FSTL5: variants seen among roughly 807,000 people sequenced by gnomAD.
FSTL5 encodes follistatin like 5, also known as follistatin-related protein 5.
In FSTL5, 62 loss-of-function variants were observed where a neutral mutation model predicts 89.1. The observed-to-expected ratio is 0.70, with a 90% confidence interval of 0.57 to 0.86. FSTL5 has a LOEUF of 0.86. Among genes scored for constraint, FSTL5 ranks in the 40% least tolerant of loss-of-function variants. The probability of loss-of-function intolerance (pLI) is 0.00; values close to 1 mark genes in which losing one functional copy is unlikely to be tolerated. For missense variants in FSTL5, 1,057 were observed against 1,001.6 expected (o/e 1.06, Z -0.75); for synonymous variants, 383 against 346.2 (o/e 1.11, Z -1.18).
intron 8 of FSTL5, among the ~76,000 whole-genome samples, chr4:161,563,809 T>G (rs761301360): frequency 3.9e-5 from 6 of 151,986 alleles, no homozygotes; most frequent in Non-Finnish European, 5.9e-5. Context: ...TTAGAATTAT[T>G]GGGAATAACA....
chr4:162,128,025 T>G (rs1732151832), intron 1 of FSTL5, among the ~76,000 whole-genome samples: 1 of 152,204 alleles, frequency 6.6e-6, no homozygotes, highest in Admixed American at 6.5e-5. Context: ...ATGCTAAAGT[T>G]AATTTGGTGG....
intron 14 of FSTL5, among the ~76,000 whole-genome samples, chr4:161,457,199 T>C (rs1268207951): frequency 6.6e-6 from 1 of 152,206 alleles, no homozygotes; most frequent in East Asian, 1.9e-4. Context: ...TCTACCTATC[T>C]AATCAAGCTT....
At chr4:161,638,300 T>C (rs1348246138) in intron 7 of FSTL5, among the ~76,000 whole-genome samples, 1 of 151,728 alleles carries the variant, frequency 6.6e-6, no homozygotes, top group Non-Finnish European at 1.5e-5. Context: ...CTTGTGATTT[T>C]TGTACATTGA....
rs139616167 is a variant in FSTL5, at chr4:161,729,439, C to T, written c.727+29972G>A. On this transcript the variant is annotated intron_variant, in intron 6 of 15. Transcript: ENST00000306100. The stretch of plus-strand genomic sequence containing the variant: ...TGATCATGTCCAGTTTTAAGCTTTA[C>T]GGGTTTTTAAACACACACTTCTGAA... Among the ~76,000 whole-genome samples, 106 of 152,198 alleles carry T rather than the reference C, an allele frequency of 7.0e-4. 3 individuals carry two copies. The East Asian group carries it at 0.017, about 24-fold the overall frequency.
At chr4:161,873,260 T>G (rs959328310) in intron 4 of FSTL5, among the ~76,000 whole-genome samples, 1 of 152,042 alleles carries the variant, frequency 6.6e-6, no homozygotes, top group Non-Finnish European at 1.5e-5. Context: ...ATAGAATAGT[T>G]GCTTGGTGCA....
At chr4:161,550,554 CTTTTTTA>C in intron 8 of FSTL5, among the ~76,000 whole-genome samples, 1 of 98,938 alleles carries the variant, frequency 1.0e-5, no homozygotes, top group African/African-American at 3.6e-5. Context: ...TCAGTAACTT[CTTTTTTA>C]TTTATTTATT....
chr4:161,541,680 A>G (rs1731822991), intron 9 of FSTL5, among the ~76,000 whole-genome samples: 3 of 152,078 alleles, frequency 2.0e-5, no homozygotes, highest in African/African-American at 7.2e-5. Flanking sequence ...TGGAATAATA[A>G]TAGAACTCTA....
At chr4:161,633,087 ACAATG>A (rs958563041) in intron 7 of FSTL5, among the ~76,000 whole-genome samples, 2,220 of 152,082 alleles carry the variant, frequency 0.015, 48 homozygotes, top group African/African-American at 0.049. Context: ...AAATGATAGC[ACAATG>A]TTTCTAAAAT....
chr4:161,919,494 T>G (rs1248624142), intron 4 of FSTL5, among the ~76,000 whole-genome samples: 1 of 152,146 alleles, frequency 6.6e-6, no homozygotes, highest in Non-Finnish European at 1.5e-5. Context: ...ATGAGTGGAG[T>G]GTAATAAAAT....
intron 4 of FSTL5, among the ~76,000 whole-genome samples, chr4:161,850,265 G>A (rs545454512): frequency 3.3e-5 from 5 of 152,240 alleles, no homozygotes; most frequent in East Asian, 3.9e-4. Flanking sequence ...AATAATAACC[G>A]TGGGTTTTTA....
intron 4 of FSTL5, among the ~76,000 whole-genome samples, chr4:161,851,438 A>G (rs988410730): frequency 2.6e-5 from 4 of 152,208 alleles, no homozygotes; most frequent in African/African-American, 9.6e-5. Flanking sequence ...ACAGGTGCAC[A>G]TAATCATACA....
intron 10 of FSTL5, among the ~76,000 whole-genome samples, chr4:161,520,782 A>G (rs994119972): frequency 1.3e-5 from 2 of 152,192 alleles, no homozygotes; most frequent in African/African-American, 2.4e-5. Flanking sequence ...CAAAACAATA[A>G]TTTCTTTCAT....
At chr4:161,637,706 T>C (rs1196209391) in intron 7 of FSTL5, among the ~76,000 whole-genome samples, 22 of 117,572 alleles carry the variant, frequency 1.9e-4, no homozygotes, top group African/African-American at 7.0e-4. Flanking sequence ...CCCAGCACCA[T>C]TTATTAAATA....
At chr4:161,675,552 T>G (rs993653357) in intron 6 of FSTL5, among the ~76,000 whole-genome samples, 1 of 130,174 alleles carries the variant, frequency 7.7e-6, no homozygotes, top group Non-Finnish European at 1.7e-5. Flanking sequence ...TCAGTAATTT[T>G]AAAAAACAGA....
At chr4:161,411,739 G>A (rs943401852) in intron 15 of FSTL5, among the ~76,000 whole-genome samples, 11 of 152,000 alleles carry the variant, frequency 7.2e-5, no homozygotes, top group South Asian at 2.1e-4. Context: ...ATACTGAATG[G>A]GCAAAAGCTC....
intron 15 of FSTL5, among the ~76,000 whole-genome samples, chr4:161,430,625 A>C (rs1732326058): frequency 6.6e-6 from 1 of 152,164 alleles, no homozygotes; most frequent in African/African-American, 2.4e-5. Context: ...CTGTAGTCCC[A>C]GCTATTTGGG....
At chr4:161,469,054 T>C (rs80098782) in intron 13 of FSTL5, among the ~76,000 whole-genome samples, 4,523 of 152,290 alleles carry the variant, frequency 0.03, 166 homozygotes, top group East Asian at 0.13. Context: ...GGAACCATTA[T>C]AGTCATTAAA....
intron 3 of FSTL5, among the ~76,000 whole-genome samples, chr4:161,948,306 A>C (rs987169360): frequency 5.9e-5 from 9 of 151,334 alleles, no homozygotes; most frequent in Non-Finnish European, 1.0e-4. Context: ...AAAAAAAAAA[A>C]AAAACTGAAA....
chr4:161,657,058 A>G (rs556220199), intron 6 of FSTL5, among the ~76,000 whole-genome samples: 12 of 152,210 alleles, frequency 7.9e-5, no homozygotes, highest in Non-Finnish European at 1.6e-4. Context: ...GGTATTGAAT[A>G]GTTATTTCAT....
Sources: allele counts gnomAD v4.1 joint callset (sites outside exome capture counted in the v4.1 genomes callset), GRCh38; gene constraint gnomAD v4.1.1; transcripts MANE v1.5; gene names NCBI Gene and HGNC (gene_info 2026-07-23, HGNC 2026-07-21).